The following GPRIN3 variants were observed in gnomAD, a reference collection of about 807,000 sequenced individuals.
The protein encoded by GPRIN3 is G protein-regulated inducer of neurite outgrowth 3.
GPRIN3 carries 12 observed loss-of-function variants against 13.7 expected under a neutral mutation model. The observed-to-expected ratio is 0.87, with a 90% CI of 0.56 to 1.42. The LOEUF (loss-of-function observed/expected upper bound fraction) is 1.42, where lower values mean the gene tolerates loss of function less well. GPRIN3 is among the 40% of genes most tolerant of loss of function. GPRIN3 has a pLI of 0.00. For missense variants in GPRIN3, 1,009 were observed against 958.7 expected, an observed-to-expected ratio of 1.05 and a Z score of -0.69; for synonymous variants, 377 against 372.7, an observed-to-expected ratio of 1.01 and a Z score of -0.13.
At position 89,248,797 on chromosome 4, in the gene GPRIN3, C is replaced by T. The variant is rs769847756; in HGVS notation, c.1314G>A (p.Gly438=). The part of the protein sequence containing the change: ...SNAQHTCKED[G]RLAGMTPVRE... ...TCACTGGAGTCATTCCTGCTAACCT[C>T]CCATCTTCTTTACACGTATGCTGGG... is the stretch of plus-strand genomic sequence containing the variant. Residue 438 remains glycine, a synonymous_variant, in exon 2 of 2, where the codon GGG becomes GGA. Transcript: ENST00000609438. 4 of 1,614,180 alleles carry T rather than the reference C, an allele frequency of 2.5e-6. No individual in the cohort carries two copies. The South Asian group carries it at 4.4e-5, about 18-fold the overall frequency.
intron 1 of GPRIN3, among the ~76,000 whole-genome samples, chr4:89,272,576 T>C (rs6830724): frequency 0.21 from 31,391 of 152,152 alleles, 3,865 homozygotes; most frequent in African/African-American, 0.35. Flanking sequence ...TGACGGTATG[T>C]TTCTAATTGT....
Position 89,248,403 on chromosome 4 carries a change from C to T in GPRIN3, c.1708G>A (p.Glu570Lys). The T allele has an allele frequency of 6.2e-7, 1 of 1,614,128 alleles. No individual in the cohort carries two copies. Among genetic ancestry groups the T allele is most frequent in the Non-Finnish European group, 8.5e-7 (1 of 1,180,004 alleles). The change falls in exon 2 of 2, where the codon GAA becomes AAA. Residue 570 changes from glutamate (E) to lysine (K), a missense_variant. Transcript: ENST00000609438. ...KTLLLNPKSQESGGTESAANP... is the reference protein window; with the variant it reads ...KTLLLNPKSQKSGGTESAANP... ...GCAGCTGATTCTGTGCCTCCACTTT[C>T]TTGGGATTTAGGATTGAGCAGTAGG...
intron 1 of GPRIN3, among the ~76,000 whole-genome samples, chr4:89,278,657 A>C (rs1724160260): frequency 6.6e-6 from 1 of 152,178 alleles, no homozygotes; most frequent in South Asian, 2.1e-4. Context: ...TAAGCACTGG[A>C]CTCATTAATG....
intron 1 of GPRIN3, among the ~76,000 whole-genome samples, chr4:89,252,616 A>C (rs1233598592): frequency 2.0e-5 from 3 of 152,236 alleles, no homozygotes; most frequent in Non-Finnish European, 4.4e-5. Flanking sequence ...TTTATCCTTT[A>C]GCTCAATGTA....
At position 89,241,716 on chromosome 4, in the gene GPRIN3, T is replaced by C. The variant is rs1722951312; in HGVS notation, c.*6064A>G. On this transcript the variant is annotated 3_prime_UTR_variant, in exon 2 of 2. Transcript: ENST00000609438. ...GATGGAAAACATTAGGAAAAATAAG[T>C]TACGTAAAGATGTGATCTAAAATAA... is the stretch of plus-strand genomic sequence containing the variant. 1 of 152,140 alleles carries C rather than the reference T, an allele frequency of 6.6e-6. No homozygotes were observed. Among genetic ancestry groups the C allele is most frequent in the Non-Finnish European group, 1.5e-5 (1 of 68,008 alleles). 9.4% of individuals were successfully genotyped at this position (152,140 alleles called of 1,614,324 possible).
In GPRIN3 at chr4:89,275,164, G is replaced by A. The variant is rs575368436; in HGVS notation, c.-123-24931C>T. ...TGTGTGTGTGTGTGTGTGTGTCCAC[G>A]CGCATGTGCACAGTGTATGGTATGT... is the stretch of plus-strand genomic sequence containing the variant. On this transcript the variant is annotated intron_variant, in intron 1 of 1. Transcript: ENST00000609438. Among the ~76,000 whole-genome samples, 495 of 152,078 alleles carry A rather than the reference G, an allele frequency of 3.3e-3. 5 individuals carry two copies. Among genetic ancestry groups the A allele is most frequent in the African/African-American group, 0.011 (468 of 41,468 alleles).
rs768913675 is a variant in GPRIN3 at position 89,248,871 on chromosome 4, G to A, written c.1240C>T (p.Pro414Ser). The A allele has an allele frequency of 1.9e-6, 3 of 1,614,012 alleles. No homozygotes were observed. Among genetic ancestry groups the A allele is most frequent in the African/African-American group, 2.7e-5 (2 of 74,898 alleles). The change falls in exon 2 of 2, where the codon CCA (proline) becomes TCA (serine). Residue 414 changes from proline (P) to serine (S), a missense_variant. Pro to Ser is a moderately conservative substitution (Grantham distance 74). Coordinates refer to ENST00000609438, the MANE Select transcript of GPRIN3 (RefSeq NM_198281.3). Reference protein sequence around the residue: ...FQRENKLASLPGGVLKTSSIN... With the variant: ...FQRENKLASLSGGVLKTSSIN... ...GATGAGGTTTTAAGGACCCCACCTGGTAGGCTCGCAAGTTTATTTTCCCGT... is the reference window on the plus strand; with the variant it reads ...GATGAGGTTTTAAGGACCCCACCTGATAGGCTCGCAAGTTTATTTTCCCGT...
At position 89,256,096 on chromosome 4, in the gene GPRIN3, G is replaced by A. The variant is rs183060898; in HGVS notation, c.-123-5863C>T. ...GTAACCCACTCAAGATGGAATACCT[G>A]TAATTCCTGTTGAACTGAATTCTAA... On this transcript the variant is annotated intron_variant, in intron 1 of 1. Coordinates refer to ENST00000609438, the MANE Select transcript of GPRIN3 (RefSeq NM_198281.3). 4.3e-3 allele frequency among the ~76,000 whole-genome samples: 654 copies of A among 152,298 alleles called. 3 individuals carry two copies. The highest frequency in any genetic ancestry group is 0.015 in the African/African-American group (626 of 41,564).
intron 1 of GPRIN3, among the ~76,000 whole-genome samples, chr4:89,298,187 T>C (rs753408169): frequency 6.6e-5 from 10 of 152,144 alleles, no homozygotes; most frequent in Admixed American, 1.3e-4. Context: ...GAATTCTACA[T>C]CTTATATCTG....
rs910172840 is a variant in GPRIN3 at position 89,245,128 on chromosome 4, G to C, written c.*2652C>G. The C allele has an allele frequency of 1.3e-5, 2 of 152,230 alleles. No homozygotes were observed. Among genetic ancestry groups the C allele is most frequent in the Admixed American group, 1.3e-4 (2 of 15,286 alleles). 9.4% of individuals were successfully genotyped at this position (152,230 alleles called of 1,614,324 possible). On this transcript the variant is annotated 3_prime_UTR_variant, in exon 2 of 2. Coordinates refer to ENST00000609438, the MANE Select transcript of GPRIN3 (RefSeq NM_198281.3). ...AAGGTTTTATTGTGAGAGTAACTTA[G>C]GGGAGGTATCACAATACAAAAATGC...
chr4:89,258,274 G>A (rs911381641), intron 1 of GPRIN3, among the ~76,000 whole-genome samples: 5 of 151,410 alleles, frequency 3.3e-5, no homozygotes, highest in Non-Finnish European at 7.4e-5. Context: ...CACCAGGGTG[G>A]AGCACAGTGG....
intron 1 of GPRIN3, among the ~76,000 whole-genome samples, chr4:89,270,697 C>T (rs1266955381): frequency 6.7e-6 from 1 of 150,266 alleles, no homozygotes; most frequent in Non-Finnish European, 1.5e-5. Context: ...CACCACTGCA[C>T]CTGGCTAATT....
rs1356351281 is a variant in GPRIN3 at position 89,239,327 on chromosome 4, G to A, written c.*8453C>T. 2 of 151,810 alleles carry A rather than the reference G, an allele frequency of 1.3e-5. No individual in the cohort carries two copies. Among genetic ancestry groups the A allele is most frequent in the African/African-American group, 4.8e-5 (2 of 41,318 alleles). 9.4% of individuals were successfully genotyped at this position (151,810 alleles called of 1,614,324 possible). ...AATTTTTAAGTTATAATTTTTCTGG[G>A]TATTATTCAAATTAATACACATCTT... On this transcript the variant is annotated 3_prime_UTR_variant, in exon 2 of 2. Coordinates refer to ENST00000609438, the MANE Select transcript of GPRIN3 (RefSeq NM_198281.3).
intron 1 of GPRIN3, among the ~76,000 whole-genome samples, chr4:89,284,623 C>A (rs532126064): frequency 1.3e-5 from 2 of 152,156 alleles, no homozygotes; most frequent in Non-Finnish European, 2.9e-5. Context: ...AACTCACCAC[C>A]AGGTCTACCT....
chr4:89,300,350 G>A (rs1004775839), intron 1 of GPRIN3, among the ~76,000 whole-genome samples: 1 of 152,126 alleles, frequency 6.6e-6, no homozygotes, highest in Non-Finnish European at 1.5e-5. Context: ...ATGTCAGTGA[G>A]ACATTGAGAA....
At chr4:89,304,685 G>A (rs926130377) in intron 1 of GPRIN3, among the ~76,000 whole-genome samples, 1 of 152,014 alleles carries the variant, frequency 6.6e-6, no homozygotes, top group South Asian at 2.1e-4. Context: ...TGTTCAGTCT[G>A]TTTTTTACAC....
intron 1 of GPRIN3, among the ~76,000 whole-genome samples, chr4:89,307,146 AC>A (rs1725055054): frequency 6.6e-6 from 1 of 151,894 alleles, no homozygotes; most frequent in Non-Finnish European, 1.5e-5. Context: ...CCTCAAGAAA[AC>A]CTATTTACAT....
intron 1 of GPRIN3, among the ~76,000 whole-genome samples, chr4:89,306,241 T>C (rs1278347957): frequency 6.6e-6 from 1 of 152,170 alleles, no homozygotes. Context: ...ATTCCCACAA[T>C]TGTTACTCAG....
In GPRIN3 at chr4:89,287,458, G is replaced by A. The variant is rs1427540502; in HGVS notation, c.-124+20157C>T. ...ATTTCCTAGCACAGGATAAATATTCGAGTTGGGTTTTAAAAGCTGAGCCTT... is the reference window on the plus strand; with the variant it reads ...ATTTCCTAGCACAGGATAAATATTCAAGTTGGGTTTTAAAAGCTGAGCCTT... On this transcript the variant is annotated intron_variant, in intron 1 of 1. Coordinates refer to ENST00000609438, the MANE Select transcript of GPRIN3 (RefSeq NM_198281.3). Among the ~76,000 whole-genome samples, 5 of 152,132 alleles carry A rather than the reference G, an allele frequency of 3.3e-5. No homozygotes were observed. In the South Asian group the frequency reaches 6.2e-4, roughly 19 times the overall value.
Sources: gnomAD v4.1 joint callset for allele counts (sites outside exome capture counted in the v4.1 genomes callset) on GRCh38, gnomAD v4.1.1 for gene constraint, MANE v1.5 for transcripts, NCBI Gene and HGNC (gene_info 2026-07-23, HGNC 2026-07-21) for gene names.